Variants in ZNF766 observed in about 807,000 individuals in gnomAD.
ZNF766 encodes the protein zinc finger protein 766.
A neutral mutation model predicts 13.2 loss-of-function variants in ZNF766; 13 were observed. The observed-to-expected ratio is 0.98, with a 90% CI of 0.64 to 1.56. The LOEUF (loss-of-function observed/expected upper bound fraction) is 1.56, where lower values mean the gene tolerates loss of function less well. Among genes scored for constraint, ZNF766 ranks in the 40% most tolerant of loss-of-function variants. The pLI, the probability that ZNF766 is intolerant of heterozygous loss-of-function variation, is 0.00. For synonymous variants in ZNF766, 178 were observed against 187.6 expected (o/e 0.95, Z 0.42); for missense variants, 521 against 552.2 (o/e 0.94, Z 0.57).
intron 1 of ZNF766, 79 bp from the exon 2 acceptor site, chr19:52,282,032 C>G: frequency 6.5e-7 from 1 of 1,537,016 alleles, no homozygotes; most frequent in South Asian, 1.1e-5. Flanking sequence ...TGAGTCAGTC[C>G]TTACAACCCT....
rs1302185334 is a variant in ZNF766, at chr19:52,281,944, AACTC to A, written c.19-165_19-162del. ...AACTTTTTATGGAAAAGTATAATAA[AACTC>A]AATCACAGACACATAACTAGCTCAA... is the stretch of plus-strand genomic sequence containing the variant. On this transcript the variant is annotated intron_variant, in intron 1 of 3. Coordinates refer to ENST00000439461, the MANE Select transcript of ZNF766 (RefSeq NM_001010851.3). 6 of 793,386 alleles carry A rather than the reference AACTC, an allele frequency of 7.6e-6. No individual in the cohort carries two copies. The East Asian group carries it at 1.9e-4, about 26-fold the overall frequency. 49.1% of individuals were successfully genotyped at this position (793,386 alleles called of 1,614,324 possible).
intron 1 of ZNF766, among the ~76,000 whole-genome samples, chr19:52,272,352 A>T (rs1981013342): frequency 6.6e-6 from 1 of 152,198 alleles, no homozygotes. Context: ...CTTTGAAGAC[A>T]TCTCTAAGTT....
intron 1 of ZNF766, among the ~76,000 whole-genome samples, chr19:52,270,486 A>C (rs1980929465): frequency 6.6e-6 from 1 of 151,986 alleles, no homozygotes; most frequent in Non-Finnish European, 1.5e-5. Context: ...GCAAAGCGGG[A>C]GGCTCCTCAG....
intron 3 of ZNF766, among the ~76,000 whole-genome samples, chr19:52,289,078 G>C (rs1367717039): frequency 6.7e-6 from 1 of 150,304 alleles, no homozygotes; most frequent in Non-Finnish European, 1.5e-5. Context: ...GGCTGGTCTT[G>C]AGCTCCTCAC....
rs780466811 is a variant in ZNF766, at chr19:52,292,285, A to G, written c.*1087A>G. ...TTAAAGATTGTCTGATTTAGAGACC[A>G]TGGAGGTGGACAGAGAATAACAAAA... On this transcript the variant is annotated 3_prime_UTR_variant, in exon 4 of 4. Coordinates refer to ENST00000439461, the MANE Select transcript of ZNF766 (RefSeq NM_001010851.3). 1.9e-5 allele frequency: 13 copies of G among 675,624 alleles called. No individual in the cohort carries two copies. The highest frequency in any genetic ancestry group is 7.9e-5 in the South Asian group (5 of 63,264). 41.9% of individuals were successfully genotyped at this position (675,624 alleles called of 1,614,324 possible).
chr19:52,287,904 A>T (rs889603626), intron 3 of ZNF766: 10 of 349,114 alleles, frequency 2.9e-5, no homozygotes, highest in African/African-American at 2.3e-4. Flanking sequence ...GCTTTGTCAA[A>T]AGTCTTACCC....
In ZNF766 at chr19:52,294,800, C is replaced by G. The variant is rs1186108315; in HGVS notation, c.*3602C>G. On this transcript the variant is annotated 3_prime_UTR_variant, in exon 4 of 4. Transcript: ENST00000439461. ...TGATTTTCTTCATGATAATATCTTA[C>G]GTTCCTTTTATAGTTACAGATACAG... 1 of 91,530 alleles carries G rather than the reference C, an allele frequency of 1.1e-5. No individual in the cohort carries two copies. Among genetic ancestry groups the G allele is most frequent in the Admixed American group, 1.0e-4 (1 of 9,918 alleles). The allele number at this position is 91,530 out of a possible 1,614,324, so 5.7% of individuals were successfully genotyped here.
chr19:52,292,271 C>A lies in ZNF766; in HGVS notation c.*1073C>A. 1.5e-6 allele frequency: 1 copy of A among 687,822 alleles called. No individual in the cohort carries two copies. Among genetic ancestry groups the A allele is most frequent in the South Asian group, 1.5e-5 (1 of 64,916 alleles). 42.6% of individuals were successfully genotyped at this position (687,822 alleles called of 1,614,324 possible). A position where few individuals can be genotyped will look rare whatever the true frequency, so the allele number is the denominator to read the frequency against. On this transcript the variant is annotated 3_prime_UTR_variant, in exon 4 of 4. Coordinates refer to ENST00000439461, the MANE Select transcript of ZNF766 (RefSeq NM_001010851.3). The stretch of plus-strand genomic sequence containing the variant: ...ACTGCCTTTTCAGATTAAAGATTGT[C>A]TGATTTAGAGACCATGGAGGTGGAC...
At chr19:52,274,972 T>C (rs1981128269) in intron 1 of ZNF766, among the ~76,000 whole-genome samples, 1 of 152,206 alleles carries the variant, frequency 6.6e-6, no homozygotes, top group African/African-American at 2.4e-5. Flanking sequence ...CACCTAAAGA[T>C]TTTCATTAAT....
intron 1 of ZNF766, among the ~76,000 whole-genome samples, chr19:52,279,489 C>A (rs576129336): frequency 2.6e-5 from 4 of 151,930 alleles, no homozygotes; most frequent in African/African-American, 9.7e-5. Context: ...TCTTCTTATC[C>A]GTGAGCATGG....
chr19:52,269,680 C>T (rs1980884941), intron 1 of ZNF766, 49 bp downstream of exon 1: 7 of 1,609,378 alleles, frequency 4.3e-6, no homozygotes, highest in Non-Finnish European at 5.9e-6. Flanking sequence ...GGTGCCCTCA[C>T]GCTTCTGTAC....
intron 3 of ZNF766, among the ~76,000 whole-genome samples, chr19:52,286,454 T>G (rs1981834827): frequency 6.6e-6 from 1 of 151,920 alleles, no homozygotes; most frequent in African/African-American, 2.4e-5. Context: ...TTTTGTATTT[T>G]TTGTAGAGGT....
chr19:52,272,162 T>C (rs1451139930), intron 1 of ZNF766, among the ~76,000 whole-genome samples: 1 of 152,174 alleles, frequency 6.6e-6, no homozygotes, highest in Non-Finnish European at 1.5e-5. Flanking sequence ...CAGTCTTGCC[T>C]CCAGTTCTTG....
rs1421759202 is a variant in ZNF766 at position 52,292,816 on chromosome 19, AAATT to A, written c.*1623_*1626del. The A allele has an allele frequency of 6.6e-6, 1 of 152,204 alleles. No homozygotes were observed. The highest frequency in any genetic ancestry group is 1.5e-5 in the Non-Finnish European group (1 of 68,046). The allele number at this position is 152,204 out of a possible 1,614,324, so 9.4% of individuals were successfully genotyped here. A position where few individuals can be genotyped will look rare whatever the true frequency, so the allele number is the denominator to read the frequency against. ...ATAATAAGGCACCATTAGGATTTTT[AAATT>A]AATTTATTTTTAAAATTAAAGTTCT... On this transcript the variant is annotated 3_prime_UTR_variant, in exon 4 of 4. Transcript: ENST00000439461.
intron 1 of ZNF766, chr19:52,277,186 G>C (rs62110400): frequency 0.15 from 174,585 of 1,150,156 alleles, 13,732 homozygotes; most frequent in African/African-American, 0.17. Flanking sequence ...TTGGCCGGGC[G>C]CGGGGGCTCA....
intron 2 of ZNF766, chr19:52,282,689 T>G (rs894021931): frequency 6.4e-6 from 1 of 155,114 alleles, no homozygotes; most frequent in Non-Finnish European, 1.4e-5. Flanking sequence ...GTATGCTTTC[T>G]GGTCTTGAAA....
intron 1 of ZNF766, among the ~76,000 whole-genome samples, chr19:52,280,794 A>G (rs1981470092): frequency 6.6e-6 from 1 of 151,074 alleles, no homozygotes; most frequent in Non-Finnish European, 1.5e-5. Context: ...GTTGGCCAGG[A>G]TGGTCTTGGT....
intron 3 of ZNF766, among the ~76,000 whole-genome samples, chr19:52,286,187 T>C (rs1286001575): frequency 2.4e-5 from 3 of 126,888 alleles, no homozygotes; most frequent in African/African-American, 9.5e-5. Flanking sequence ...AAGTGGGCTT[T>C]TCCCCCCTAA....
In ZNF766 at chr19:52,274,214, A is replaced by G. The variant is rs192944362; in HGVS notation, c.18+4583A>G. Among the ~76,000 whole-genome samples the G allele has an allele frequency of 7.3e-3, 1,074 of 147,578 alleles. 14 individuals are homozygous for G. Among genetic ancestry groups the G allele is most frequent in the African/African-American group, 0.026 (1,000 of 39,194 alleles). On this transcript the variant is annotated intron_variant, in intron 1 of 3. Transcript: ENST00000439461. ...GTATCACGTAGGATTTGCTTCCAAG[A>G]TCCCCCCAAGACTACCCAAATCAGA...
Sources: gnomAD v4.1 joint callset for allele counts (sites outside exome capture counted in the v4.1 genomes callset) on GRCh38, gnomAD v4.1.1 for gene constraint, MANE v1.5 for transcripts, NCBI Gene and HGNC (gene_info 2026-07-23, HGNC 2026-07-21) for gene names.